Variants in AKAP6 observed in about 807,000 individuals in gnomAD.
AKAP6 encodes the protein A-kinase anchoring protein 6.
In AKAP6, 58 loss-of-function variants were observed where a neutral mutation model predicts 188.5. The observed-to-expected ratio is 0.31, with a 90% CI of 0.25 to 0.38. The LOEUF (loss-of-function observed/expected upper bound fraction) is 0.38, where lower values mean the gene tolerates loss of function less well. Ranked by LOEUF, AKAP6 falls within the 10% of genes least tolerant of loss-of-function variation. The pLI is 1.00. For missense variants in AKAP6, 2,710 were observed against 2,740.0 expected (o/e 0.99, Z 0.24); for synonymous variants, 989 against 998.6 (o/e 0.99, Z 0.18).
chr14:32,698,821 A>G (rs1374942259), intron 9 of AKAP6, among the ~76,000 whole-genome samples: 1 of 152,234 alleles, frequency 6.6e-6, no homozygotes, highest in Non-Finnish European at 1.5e-5. Context: ...GAAGCTCATC[A>G]TCCCTAGTAT....
chr14:32,647,969 A>G (rs940236592), intron 7 of AKAP6, among the ~76,000 whole-genome samples: 1 of 152,114 alleles, frequency 6.6e-6, no homozygotes, highest in Non-Finnish European at 1.5e-5. Context: ...TAAAAAATGC[A>G]AATTGTGCAA....
intron 5 of AKAP6, among the ~76,000 whole-genome samples, chr14:32,582,314 A>G (rs1484894546): frequency 6.6e-6 from 1 of 152,156 alleles, no homozygotes; most frequent in South Asian, 2.1e-4. Context: ...AGAATGTTGA[A>G]TATTGGCCCC....
intron 2 of AKAP6, among the ~76,000 whole-genome samples, chr14:32,521,348 A>G (rs28769389): frequency 0.29 from 44,562 of 151,906 alleles, 6,692 homozygotes; most frequent in African/African-American, 0.36. Flanking sequence ...GCAATCAAGC[A>G]GGAGAAAGAA....
intron 2 of AKAP6, among the ~76,000 whole-genome samples, chr14:32,434,169 A>G (rs1890308880): frequency 6.6e-6 from 1 of 152,200 alleles, no homozygotes. Flanking sequence ...TATCAAATGC[A>G]GCTGTGATTG....
chr14:32,521,792 C>T (rs1881847957), intron 2 of AKAP6, among the ~76,000 whole-genome samples: 1 of 152,150 alleles, frequency 6.6e-6, no homozygotes, highest in Non-Finnish European at 1.5e-5. Context: ...AATGCCATCC[C>T]CATCAAGCTA....
intron 7 of AKAP6, among the ~76,000 whole-genome samples, chr14:32,668,955 TA>T (rs146079340): frequency 0.031 from 4,711 of 152,262 alleles, 248 homozygotes; most frequent in African/African-American, 0.11. Context: ...TTAATACTTT[TA>T]GAACTCTCTT....
chr14:32,345,911 C>G (rs1377282616), intron 1 of AKAP6, among the ~76,000 whole-genome samples: 1 of 152,144 alleles, frequency 6.6e-6, no homozygotes, highest in Admixed American at 6.5e-5. Flanking sequence ...CCAGAGGTTT[C>G]CAAACTGTTT....
chr14:32,824,665 A>G lies in AKAP6; in HGVS notation c.6852A>G (p.Ala2284=), dbSNP rs760988208. ...AAGTTCAAGACCTCTCCTTGAAGGC[A>G]AATCAGCCAACAGACAAGGCCGCAT... ...KSKVQDLSLK[A]NQPTDKAALH... Residue 2284 remains alanine, a synonymous_variant, in exon 13 of 14, where the codon GCA becomes GCG. Coordinates refer to ENST00000280979, the MANE Select transcript of AKAP6 (RefSeq NM_004274.5). 1.2e-6 allele frequency: 2 copies of G among 1,613,952 alleles called. No individual in the cohort carries two copies. The highest frequency in any genetic ancestry group is 2.2e-5 in the East Asian group (1 of 44,872).
chr14:32,609,880 GACACACACACACACACAC>G (rs71115085), intron 7 of AKAP6, among the ~76,000 whole-genome samples: 17 of 137,330 alleles, frequency 1.2e-4, no homozygotes, highest in African/African-American at 4.3e-4. Flanking sequence ...CTCTCTCTCT[GACACACACACACACACAC>G]ACACACACAC....
At chr14:32,598,684 G>A (rs1432852967) in intron 5 of AKAP6, among the ~76,000 whole-genome samples, 1 of 152,092 alleles carries the variant, frequency 6.6e-6, no homozygotes, top group Non-Finnish European at 1.5e-5. Context: ...GGAGCGGAGA[G>A]GGGGGAGTAA....
chr14:32,687,273 C>T (rs767998235), intron 8 of AKAP6, among the ~76,000 whole-genome samples: 143 of 152,152 alleles, frequency 9.4e-4, no homozygotes, highest in African/African-American at 2.8e-3. Context: ...TTAAGCAATA[C>T]GATATGTCAA....
chr14:32,737,151 C>T lies in AKAP6; in HGVS notation c.3372+1269C>T, dbSNP rs138810027. Among the ~76,000 whole-genome samples the T allele has an allele frequency of 4.6e-3, 695 of 152,184 alleles. 7 individuals carry two copies. The highest frequency in any genetic ancestry group is 0.016 in the African/African-American group (650 of 41,524). The stretch of plus-strand genomic sequence containing the variant: ...TTTCAAACTTTTTGAGATTATGGAG[C>T]CCTGATGATTTTTCTTTATGACTTG... On this transcript the variant is annotated intron_variant, in intron 11 of 13. Coordinates refer to ENST00000280979, the MANE Select transcript of AKAP6 (RefSeq NM_004274.5).
intron 1 of AKAP6, among the ~76,000 whole-genome samples, chr14:32,415,353 G>A (rs752711199): frequency 4.6e-5 from 7 of 152,008 alleles, no homozygotes; most frequent in Non-Finnish European, 5.9e-5. Context: ...GGTTGTATCC[G>A]GAATTGTTTT....
chr14:32,814,205 C>T (rs1181097723), intron 12 of AKAP6, among the ~76,000 whole-genome samples: 3 of 152,182 alleles, frequency 2.0e-5, no homozygotes, highest in Non-Finnish European at 2.9e-5. Flanking sequence ...ATTTTCTCTT[C>T]GTTTATTCAG....
intron 9 of AKAP6, among the ~76,000 whole-genome samples, chr14:32,716,201 A>C (rs2030189709): frequency 6.6e-6 from 1 of 151,918 alleles, no homozygotes; most frequent in South Asian, 2.1e-4. Flanking sequence ...AATGTTTGGC[A>C]TGGTTTCTGT....
chr14:32,657,490 G>T (rs1316528984), intron 7 of AKAP6, among the ~76,000 whole-genome samples: 3 of 152,076 alleles, frequency 2.0e-5, no homozygotes, highest in African/African-American at 7.2e-5. Flanking sequence ...GAGATTTTCA[G>T]TTTAGATTTA....
At chr14:32,492,337 A>AATATATATAT (rs148154496) in intron 2 of AKAP6, among the ~76,000 whole-genome samples, 1,191 of 76,582 alleles carry the variant, frequency 0.016, 25 homozygotes, top group African/African-American at 0.038. Flanking sequence ...ACTACATTGT[A>AATATATATAT]ATATATATAT....
At chr14:32,541,427 A>G (rs1882952377) in intron 3 of AKAP6, among the ~76,000 whole-genome samples, 1 of 152,090 alleles carries the variant, frequency 6.6e-6, no homozygotes, top group Admixed American at 6.6e-5. Flanking sequence ...TTAAGGTGCA[A>G]TAACCACCAG....
At chr14:32,374,605 G>A (rs571897686) in intron 1 of AKAP6, among the ~76,000 whole-genome samples, 1 of 152,244 alleles carries the variant, frequency 6.6e-6, no homozygotes, top group East Asian at 1.9e-4. Context: ...CTACCCTGTA[G>A]ACAACCCGGA....
Sources: allele counts gnomAD v4.1 joint callset (sites outside exome capture counted in the v4.1 genomes callset), GRCh38; gene constraint gnomAD v4.1.1; transcripts MANE v1.5; gene names NCBI Gene and HGNC (gene_info 2026-07-23, HGNC 2026-07-21).